The following RHBDD1 variants were observed in gnomAD, a reference collection of about 807,000 sequenced individuals.
RHBDD1 encodes rhomboid domain containing 1.
RHBDD1 carries 38 observed loss-of-function variants against 36.3 expected under a neutral mutation model. The ratio of observed to expected loss-of-function variants is 1.05; its 90% confidence interval spans 0.81 to 1.37. The LOEUF (loss-of-function observed/expected upper bound fraction) is 1.37. Among genes scored for constraint, RHBDD1 ranks in the 40% most tolerant of loss-of-function variants. The pLI is 0.00. For missense variants in RHBDD1, 393 were observed against 377.6 expected, an observed-to-expected ratio of 1.04 and a Z score of -0.34; for synonymous variants, 151 against 136.5, an observed-to-expected ratio of 1.11 and a Z score of -0.74.
intron 5 of RHBDD1, among the ~76,000 whole-genome samples, chr2:226,899,568 G>T (rs940679068): frequency 2.6e-5 from 4 of 152,128 alleles, no homozygotes; most frequent in African/African-American, 9.7e-5. Flanking sequence ...AAATAAATCT[G>T]CAACTAGCTA....
At chr2:226,964,013 G>A (rs960415985) in intron 8 of RHBDD1, among the ~76,000 whole-genome samples, 4 of 152,018 alleles carry the variant, frequency 2.6e-5, no homozygotes, top group Admixed American at 1.3e-4. Context: ...TTGTCATTGA[G>A]TATCCCCTTT....
At chr2:226,865,154 A>G (rs1324803728) in intron 4 of RHBDD1, 28 bp downstream of exon 4, 15 of 1,545,300 alleles carry the variant, frequency 9.7e-6, no homozygotes, top group South Asian at 2.4e-5. Flanking sequence ...TTGAGGTTGC[A>G]TGCATAAAGG....
intron 8 of RHBDD1, among the ~76,000 whole-genome samples, chr2:226,978,241 A>T (rs2149398186): frequency 6.6e-6 from 1 of 152,290 alleles, no homozygotes; most frequent in Non-Finnish European, 1.5e-5. Flanking sequence ...TTTTTTTAAA[A>T]TTCAAATATT....
chr2:226,878,913 A>G, intron 5 of RHBDD1, among the ~76,000 whole-genome samples: 1 of 152,148 alleles, frequency 6.6e-6, no homozygotes, highest in Non-Finnish European at 1.5e-5. Flanking sequence ...AGGGAGTGAA[A>G]GAGTCTTGGG....
the RHBDD1 span, among the ~76,000 whole-genome samples, chr2:226,824,503 TTG>T: frequency 6.6e-6 from 1 of 151,908 alleles, no homozygotes; most frequent in Non-Finnish European, 1.5e-5. Context: ...GTTAAGTCAG[TTG>T]TGTTACATTA....
At chr2:226,802,598 G>A in the RHBDD1 span, among the ~76,000 whole-genome samples, 1 of 152,190 alleles carries the variant, frequency 6.6e-6, no homozygotes, top group Non-Finnish European at 1.5e-5. Context: ...TAGTCTTTTG[G>A]TGTATTGTAA....
At chr2:226,970,266 A>G (rs1953198781) in intron 8 of RHBDD1, among the ~76,000 whole-genome samples, 1 of 151,984 alleles carries the variant, frequency 6.6e-6, no homozygotes, top group South Asian at 2.1e-4. Flanking sequence ...AGTGCCAACA[A>G]AAGAGAGAAA....
the RHBDD1 span, among the ~76,000 whole-genome samples, chr2:226,820,653 A>G: frequency 3.0e-4 from 36 of 118,948 alleles, no homozygotes; most frequent in African/African-American, 6.0e-4. Context: ...ACAAAAAAAA[A>G]AAAAAAAAAA....
chr2:226,882,285 C>T (rs368829229), intron 5 of RHBDD1, among the ~76,000 whole-genome samples: 1 of 151,844 alleles, frequency 6.6e-6, no homozygotes, highest in South Asian at 2.1e-4. Flanking sequence ...CAAAAACTAG[C>T]TGGGCTTGGT....
chr2:226,893,161 T>C (rs1946829583), intron 5 of RHBDD1, among the ~76,000 whole-genome samples: 1 of 152,164 alleles, frequency 6.6e-6, no homozygotes, highest in Admixed American at 6.6e-5. Flanking sequence ...CCATCTACCA[T>C]AGGGCCATGG....
chr2:226,812,471 C>T, the RHBDD1 span, among the ~76,000 whole-genome samples: 18 of 152,200 alleles, frequency 1.2e-4, no homozygotes, highest in African/African-American at 4.3e-4. Context: ...GTCGAAACAA[C>T]ATATGTGTCC....
At chr2:226,986,977 C>T (rs1190596750) in intron 8 of RHBDD1, among the ~76,000 whole-genome samples, 1 of 152,200 alleles carries the variant, frequency 6.6e-6, no homozygotes, top group Non-Finnish European at 1.5e-5. Context: ...CACATGTACA[C>T]CATGGAATAC....
chr2:226,816,896 A>G, the RHBDD1 span, among the ~76,000 whole-genome samples: 1 of 139,708 alleles, frequency 7.2e-6, no homozygotes, highest in South Asian at 2.4e-4. Flanking sequence ...GCCATCTCAA[A>G]AAAACCACAC....
chr2:226,929,679 G>T (rs944267333), intron 8 of RHBDD1, among the ~76,000 whole-genome samples: 2 of 151,758 alleles, frequency 1.3e-5, no homozygotes, highest in Non-Finnish European at 3.0e-5. Flanking sequence ...AAGAAAGGAC[G>T]TTCAAATTAG....
Position 226,908,582 on chromosome 2 carries a change from TACACACACACACACACACAC to T in RHBDD1, c.656-220_656-201del, listed in dbSNP as rs10559846. 3.5e-3 allele frequency: 1,222 copies of T among 346,910 alleles called. 8 individuals are homozygous for T. Among genetic ancestry groups the T allele is most frequent in the African/African-American group, 0.025 (1,110 of 44,512 alleles). The allele number at this position is 346,910 out of a possible 1,614,324, so 21.5% of individuals were successfully genotyped here. A position where few individuals can be genotyped will look rare whatever the true frequency, so the allele number is the denominator to read the frequency against. ...TGTAAATTAGGGTTTCATTTTCCAC[TACACACACACACACACACAC>T]ACACACACACACACACACATTCTTT... On this transcript the variant is annotated intron_variant, in intron 6 of 8. Transcript: ENST00000392062.
At chr2:226,932,438 T>C (rs947114563) in intron 8 of RHBDD1, among the ~76,000 whole-genome samples, 5 of 152,174 alleles carry the variant, frequency 3.3e-5, no homozygotes, top group Admixed American at 3.3e-4. Flanking sequence ...TTATGAGTAA[T>C]ACTGAATACC....
chr2:226,844,631 G>A (rs1942027919), intron 3 of RHBDD1, among the ~76,000 whole-genome samples: 1 of 152,184 alleles, frequency 6.6e-6, no homozygotes, highest in Non-Finnish European at 1.5e-5. Context: ...GAGTAAACCT[G>A]AATATGGAAC....
At chr2:226,892,722 A>C (rs1394653981) in intron 5 of RHBDD1, among the ~76,000 whole-genome samples, 1 of 152,212 alleles carries the variant, frequency 6.6e-6, no homozygotes, top group African/African-American at 2.4e-5. Flanking sequence ...TATTGGCCCA[A>C]TATGGCAACT....
chr2:226,967,738 A>G (rs976334924), intron 8 of RHBDD1, among the ~76,000 whole-genome samples: 2 of 152,038 alleles, frequency 1.3e-5, no homozygotes, highest in Non-Finnish European at 2.9e-5. Flanking sequence ...AGAGTGTAGT[A>G]TGTCCACACC....
Sources: allele counts gnomAD v4.1 joint callset (sites outside exome capture counted in the v4.1 genomes callset), GRCh38; gene constraint gnomAD v4.1.1; transcripts MANE v1.5; gene names NCBI Gene and HGNC (gene_info 2026-07-23, HGNC 2026-07-21).